The following DNAH11 variants were observed in gnomAD, a reference collection of about 807,000 sequenced individuals.
DNAH11 encodes the protein dynein axonemal heavy chain 11, also known as axonemal beta dynein heavy chain 11.
In DNAH11, 442 loss-of-function variants were observed where a neutral mutation model predicts 526.0. That is an observed-to-expected ratio of 0.84 (90% CI 0.78 to 0.91). DNAH11 has a LOEUF of 0.91. DNAH11 is among the 40% of genes least tolerant of loss of function. The pLI, the probability that DNAH11 is intolerant of heterozygous loss-of-function variation, is 0.00. For synonymous variants in DNAH11, 2,461 were observed against 1,935.9 expected (o/e 1.27, Z -7.12); for missense variants, 6,989 against 5,448.7 (o/e 1.28, Z -8.90).
chr7:21,900,216 C>CACACAGTAACCTTATGCTAGTCAT (rs1331951008), intron 81 of DNAH11, 96 bp downstream of exon 81: 25 of 1,308,012 alleles, frequency 1.9e-5, no homozygotes, highest in Non-Finnish European at 1.9e-5. Flanking sequence ...TCTCCTCACT[C>CACACAGTAACCTTATGCTAGTCAT]ACACAGTAAC....
chr7:21,787,612 A>C, intron 60 of DNAH11, 29 bp downstream of exon 60: 1 of 1,564,710 alleles, frequency 6.4e-7, no homozygotes, highest in East Asian at 2.3e-5. Flanking sequence ...TTGTTTACAG[A>C]TGTTCTCCAC....
chr7:21,771,372 A>G (rs1417135401), intron 55 of DNAH11, among the ~76,000 whole-genome samples: 1 of 152,158 alleles, frequency 6.6e-6, no homozygotes, highest in Non-Finnish European at 1.5e-5. Context: ...TTCAAGAGGA[A>G]TATACTGGGC....
At position 21,801,120 on chromosome 7, in the gene DNAH11, AT is replaced by A. The variant is rs1562554370; in HGVS notation, c.10027-15del. ...TTAACTAAAAATGACTCAAAAGTTA[AT>A]TCAACTCTGATTCAGGATCTGGATC... On this transcript the variant is annotated splice_polypyrimidine_tract_variant and intron_variant, in intron 61 of 81. Transcript: ENST00000409508. 1 of 1,593,824 alleles carries A rather than the reference AT, an allele frequency of 6.3e-7. No individual in the cohort carries two copies.
At chr7:21,781,513 C>T (rs942248823) in intron 57 of DNAH11, among the ~76,000 whole-genome samples, 1 of 152,204 alleles carries the variant, frequency 6.6e-6, no homozygotes, top group Admixed American at 6.5e-5. Flanking sequence ...TGCTTTCAAA[C>T]TGTGTTCTCC....
chr7:21,599,818 C>G lies in DNAH11; in HGVS notation c.2699C>G (p.Ser900Cys). The G allele has an allele frequency of 6.3e-7, 1 of 1,589,086 alleles. No individual in the cohort carries two copies. The highest frequency in any genetic ancestry group is 8.6e-7 in the Non-Finnish European group (1 of 1,164,596). The change falls in exon 15 of 82, where the codon TCT (serine) becomes TGT (cysteine). Residue 900 changes from serine to cysteine, a missense_variant. Coordinates refer to ENST00000409508, the MANE Select transcript of DNAH11 (RefSeq NM_001277115.2). ...ENRKLFKANPSLDTWKIYVEF... is the reference protein window; with the variant it reads ...ENRKLFKANPCLDTWKIYVEF... ...AGGAAGCTCTTCAAAGCCAATCCCT[C>G]TCTGGATACCTGGAAAATTTATGTA...
chr7:21,545,927 C>A (rs932412371), intron 2 of DNAH11, among the ~76,000 whole-genome samples: 4 of 152,180 alleles, frequency 2.6e-5, no homozygotes, highest in African/African-American at 9.7e-5. Flanking sequence ...ACTTGTAACA[C>A]AATGCCCCAG....
intron 6 of DNAH11, among the ~76,000 whole-genome samples, chr7:21,566,776 T>C (rs1302766688): frequency 6.6e-6 from 1 of 152,178 alleles, no homozygotes; most frequent in Admixed American, 6.5e-5. Flanking sequence ...ATATTCTCAT[T>C]GCATAATGTT....
intron 76 of DNAH11, among the ~76,000 whole-genome samples, chr7:21,892,125 T>C (rs906208351): frequency 6.6e-6 from 1 of 152,132 alleles, no homozygotes; most frequent in African/African-American, 2.4e-5. Flanking sequence ...TGTTATAGGG[T>C]AGCCCAGGCT....
chr7:21,741,186 A>G (rs971013402), intron 48 of DNAH11, among the ~76,000 whole-genome samples: 3 of 152,212 alleles, frequency 2.0e-5, no homozygotes, highest in African/African-American at 7.2e-5. Flanking sequence ...TATGATGAGA[A>G]TCATAGGGTG....
At chr7:21,858,456 T>C (rs73075547) in intron 68 of DNAH11, among the ~76,000 whole-genome samples, 8 of 152,276 alleles carry the variant, frequency 5.3e-5, no homozygotes, top group Non-Finnish European at 1.2e-4. Flanking sequence ...AGCCAAAGTC[T>C]AAAAACAATC....
chr7:21,781,607 A>G (rs115511853), intron 57 of DNAH11, among the ~76,000 whole-genome samples: 1,611 of 152,294 alleles, frequency 0.011, 32 homozygotes, highest in African/African-American at 0.036. Context: ...TTGAGCATCA[A>G]TCTTGATTTG....
intron 44 of DNAH11, among the ~76,000 whole-genome samples, chr7:21,722,377 A>G (rs1273564763): frequency 6.6e-6 from 1 of 152,178 alleles, no homozygotes; most frequent in Non-Finnish European, 1.5e-5. Context: ...TACATTAAAA[A>G]TAGATAGCAC....
rs74315159 is a variant in DNAH11, at chr7:21,619,331, GTCCCAGTTTGT to G, written c.4377+114_4377+124del. The G allele has an allele frequency of 2.2e-4, 285 of 1,293,996 alleles. 1 individual carries two copies. In the South Asian group the frequency reaches 3.9e-3, roughly 18 times the overall value. The allele number at this position is 1,293,996 out of a possible 1,614,324, so 80.2% of individuals were successfully genotyped here. ...ATGTCCTGGGAGCCTGGAGAGATGA[GTCCCAGTTTGT>G]TCCCTGCTGTTCATTAGGTGTGGGA... On this transcript the variant is annotated intron_variant, in intron 24 of 81. Transcript: ENST00000409508.
intron 41 of DNAH11, 41 bp from the exon 42 acceptor site, chr7:21,711,671 A>G (rs1463291672): frequency 6.3e-7 from 1 of 1,590,934 alleles, no homozygotes; most frequent in East Asian, 2.2e-5. Flanking sequence ...TGTTTGCGGC[A>G]TTGCTTTTGC....
At chr7:21,852,797 T>C (rs1344829163) in intron 67 of DNAH11, among the ~76,000 whole-genome samples, 166 bp downstream of exon 67, 2 of 152,166 alleles carry the variant, frequency 1.3e-5, no homozygotes, top group African/African-American at 2.4e-5. Flanking sequence ...TAAATGGAGA[T>C]GGAGATGGTT....
chr7:21,663,723 A>G (rs907513329), intron 30 of DNAH11, among the ~76,000 whole-genome samples: 1 of 149,530 alleles, frequency 6.7e-6, no homozygotes, highest in Non-Finnish European at 1.5e-5. Context: ...AATTCACATA[A>G]TGTCCTCCTG....
intron 74 of DNAH11, among the ~76,000 whole-genome samples, chr7:21,874,752 C>T (rs1216856343): frequency 1.3e-5 from 2 of 152,078 alleles, no homozygotes; most frequent in South Asian, 4.2e-4. Flanking sequence ...TTTACCCAAA[C>T]TATCCTATCT....
chr7:21,642,920 T>C (rs1341505404), intron 28 of DNAH11, among the ~76,000 whole-genome samples: 1 of 152,140 alleles, frequency 6.6e-6, no homozygotes, highest in Non-Finnish European at 1.5e-5. Context: ...TCAGTAATTA[T>C]CAGCTTAGGA....
intron 22 of DNAH11, 27 bp from the exon 23 acceptor site, chr7:21,617,592 T>C (rs1210792719): frequency 1.2e-6 from 2 of 1,612,752 alleles, no homozygotes; most frequent in East Asian, 4.5e-5. Flanking sequence ...TCTTGGGAGC[T>C]AGGTTTTTTC....
Sources: gnomAD v4.1 joint callset for allele counts (sites outside exome capture counted in the v4.1 genomes callset) on GRCh38, gnomAD v4.1.1 for gene constraint, MANE v1.5 for transcripts, NCBI Gene and HGNC (gene_info 2026-07-23, HGNC 2026-07-21) for gene names.